The following STON2 variants were observed in gnomAD, a reference collection of about 807,000 sequenced individuals.
The protein encoded by STON2 is stonin 2.
In STON2, 29 loss-of-function variants were observed where a neutral mutation model predicts 65.7. The observed-to-expected ratio is 0.44, with a 90% CI of 0.33 to 0.60. STON2 has a LOEUF of 0.60. STON2 is among the 20% of genes least tolerant of loss of function. STON2 has a pLI of 0.03. For missense variants in STON2, 1,054 were observed against 1,118.1 expected (o/e 0.94, Z 0.82); for synonymous variants, 404 against 414.2 (o/e 0.98, Z 0.30).
intron 5 of STON2, among the ~76,000 whole-genome samples, chr14:81,298,207 G>A (rs557827797): frequency 3.3e-5 from 5 of 152,194 alleles, no homozygotes; most frequent in East Asian, 3.9e-4. Flanking sequence ...TTCTAGATGC[G>A]GGTGCCCTTC....
Position 81,308,558 on chromosome 14 carries a change from A to G in STON2, c.742+15459T>C, listed in dbSNP as rs561202312. Among the ~76,000 whole-genome samples the G allele has an allele frequency of 6.6e-5, 10 of 152,022 alleles. No homozygotes were observed. The East Asian group carries it at 1.9e-3, about 30-fold the overall frequency. Reference sequence around the variant, plus strand: ...AGACAAAACCTAACCCCAGAATTCTACATGCTGAAGGTGGGGCATTTATTC... The same window carrying G: ...AGACAAAACCTAACCCCAGAATTCTGCATGCTGAAGGTGGGGCATTTATTC... On this transcript the variant is annotated intron_variant, in intron 5 of 7. Coordinates refer to ENST00000614646, the MANE Select transcript of STON2 (RefSeq NM_001394390.1).
chr14:81,412,866 G>A, intron 2 of STON2: 1 of 529,910 alleles, frequency 1.9e-6, no homozygotes, highest in Non-Finnish European at 3.2e-6. Context: ...TTTCTTCTTA[G>A]AGGCGCCACG....
chr14:81,435,948 C>G (rs1463468533), intron 1 of STON2: 1 of 152,214 alleles, frequency 6.6e-6, no homozygotes, highest in Non-Finnish European at 1.5e-5. Context: ...GAAGCACCGT[C>G]CCCAGGGACA....
At chr14:81,373,303 T>C (rs1330783820) in intron 3 of STON2, among the ~76,000 whole-genome samples, 1 of 152,140 alleles carries the variant, frequency 6.6e-6, no homozygotes, top group East Asian at 1.9e-4. Flanking sequence ...GACTGGTATC[T>C]ATAACCCCCA....
Position 81,265,140 on chromosome 14 carries a change from T to A in STON2, c.*3274A>T. 1 of 985,174 alleles carries A rather than the reference T, an allele frequency of 1.0e-6. No individual in the cohort carries two copies. Among genetic ancestry groups the A allele is most frequent in the Non-Finnish European group, 1.2e-6 (1 of 829,878 alleles). 61.0% of individuals were successfully genotyped at this position (985,174 alleles called of 1,614,324 possible). On this transcript the variant is annotated 3_prime_UTR_variant, in exon 8 of 8. Coordinates refer to ENST00000614646, the MANE Select transcript of STON2 (RefSeq NM_001394390.1). ...AAAGTAGAATCTGCATATCCACAGGTAATTTGCCCAACTGTTTTCTATGTA... is the reference window on the plus strand; with the variant it reads ...AAAGTAGAATCTGCATATCCACAGGAAATTTGCCCAACTGTTTTCTATGTA...
chr14:81,268,514 T>G lies in STON2; in HGVS notation c.2785-17A>C. ...AATTTCCACCTGCCAAGAATAGAAG[T>G]TGGAGATAAAGATCAAAAAGAAGAG... On this transcript the variant is annotated splice_polypyrimidine_tract_variant and intron_variant, in intron 7 of 7. Coordinates refer to ENST00000614646, the MANE Select transcript of STON2 (RefSeq NM_001394390.1). 7.8e-7 allele frequency: 1 copy of G among 1,289,396 alleles called. No individual in the cohort carries two copies. Among genetic ancestry groups the G allele is most frequent in the Non-Finnish European group, 1.0e-6 (1 of 988,676 alleles). 79.9% of individuals were successfully genotyped at this position (1,289,396 alleles called of 1,614,324 possible). A position where few individuals can be genotyped will look rare whatever the true frequency, so the allele number is the denominator to read the frequency against.
At chr14:81,280,648 T>C (rs1301162746) in intron 5 of STON2, among the ~76,000 whole-genome samples, 1 of 152,204 alleles carries the variant, frequency 6.6e-6, no homozygotes, top group African/African-American at 2.4e-5. Flanking sequence ...GATGCTGGCT[T>C]GTCACCCATC....
intron 4 of STON2, among the ~76,000 whole-genome samples, chr14:81,342,791 A>C (rs1211374014): frequency 6.6e-6 from 1 of 152,206 alleles, no homozygotes; most frequent in Non-Finnish European, 1.5e-5. Flanking sequence ...GGACAAGTGA[A>C]GCCAGAGAGC....
At chr14:81,363,530 A>T (rs1249543288) in intron 4 of STON2, among the ~76,000 whole-genome samples, 1 of 152,160 alleles carries the variant, frequency 6.6e-6, no homozygotes, top group African/African-American at 2.4e-5. Context: ...ATAAGGATTA[A>T]AATCTAAAAT....
chr14:81,273,562 G>T (rs1894681879), intron 6 of STON2, among the ~76,000 whole-genome samples: 1 of 152,192 alleles, frequency 6.6e-6, no homozygotes, highest in Admixed American at 6.5e-5. Context: ...CTCTTGGGAT[G>T]AAGGTAGGAG....
chr14:81,393,686 A>G (rs80203356), intron 3 of STON2, among the ~76,000 whole-genome samples: 6,466 of 152,310 alleles, frequency 0.042, 489 homozygotes, highest in African/African-American at 0.15. Flanking sequence ...CTGAGACAAT[A>G]AGTATGCAGT....
chr14:81,316,519 G>A (rs1250890101), intron 5 of STON2, among the ~76,000 whole-genome samples: 1 of 152,114 alleles, frequency 6.6e-6, no homozygotes, highest in African/African-American at 2.4e-5. Flanking sequence ...CTTGTTTTGG[G>A]AAACAAGGTA....
Position 81,261,194 on chromosome 14 carries a change from G to C in STON2, c.*7220C>G, listed in dbSNP as rs777622744. On this transcript the variant is annotated 3_prime_UTR_variant, in exon 8 of 8. Coordinates refer to ENST00000614646, the MANE Select transcript of STON2 (RefSeq NM_001394390.1). Reference sequence around the variant, plus strand: ...GCTGTTGGGACCTGACTATACATCTGCTTTCCCACAATGCTCTGGTAGAAT... The same window carrying C: ...GCTGTTGGGACCTGACTATACATCTCCTTTCCCACAATGCTCTGGTAGAAT... The C allele has an allele frequency of 8.5e-5, 13 of 152,190 alleles. No individual in the cohort carries two copies. Among genetic ancestry groups the C allele is most frequent in the African/African-American group, 3.1e-4 (13 of 41,426 alleles). The allele number at this position is 152,190 out of a possible 1,614,324, so 9.4% of individuals were successfully genotyped here.
chr14:81,430,020 T>C (rs1902162956), intron 1 of STON2, among the ~76,000 whole-genome samples: 1 of 152,122 alleles, frequency 6.6e-6, no homozygotes, highest in Admixed American at 6.5e-5. Context: ...AGTAGTCCAG[T>C]GAATGGACCT....
rs979294948 is a variant in STON2 at position 81,263,176 on chromosome 14, T to C, written c.*5238A>G. ...ATTCTGGACATGACCTAAGGCTAGC[T>C]TGTCCAACCCTTGGCCCATGATGGT... On this transcript the variant is annotated 3_prime_UTR_variant, in exon 8 of 8. Coordinates refer to ENST00000614646, the MANE Select transcript of STON2 (RefSeq NM_001394390.1). The C allele has an allele frequency of 2.0e-6, 2 of 985,112 alleles. No homozygotes were observed. Among genetic ancestry groups the C allele is most frequent in the African/African-American group, 1.7e-5 (1 of 57,250 alleles). 61.0% of individuals were successfully genotyped at this position (985,112 alleles called of 1,614,324 possible). A position where few individuals can be genotyped will look rare whatever the true frequency, so the allele number is the denominator to read the frequency against.
intron 5 of STON2, among the ~76,000 whole-genome samples, chr14:81,282,527 A>G (rs1271381055): frequency 6.6e-6 from 1 of 152,190 alleles, no homozygotes; most frequent in Non-Finnish European, 1.5e-5. Flanking sequence ...TACTACTACT[A>G]CTAGAATGAT....
intron 4 of STON2, among the ~76,000 whole-genome samples, chr14:81,334,422 A>G (rs1897303427): frequency 6.6e-6 from 1 of 152,218 alleles, no homozygotes; most frequent in African/African-American, 2.4e-5. Context: ...TTCATCATCC[A>G]GCCTTGAATC....
chr14:81,298,463 C>A (rs889225407), intron 5 of STON2, among the ~76,000 whole-genome samples: 4 of 151,894 alleles, frequency 2.6e-5, no homozygotes. Flanking sequence ...TAAGAATTAC[C>A]CCTGAGCAAA....
At chr14:81,351,498 G>C (rs564508834) in intron 4 of STON2, among the ~76,000 whole-genome samples, 1 of 152,216 alleles carries the variant, frequency 6.6e-6, no homozygotes, top group Non-Finnish European at 1.5e-5. Flanking sequence ...ACCATACTTG[G>C]CACAAAGTAA....
Sources: allele counts gnomAD v4.1 joint callset (sites outside exome capture counted in the v4.1 genomes callset), GRCh38; gene constraint gnomAD v4.1.1; transcripts MANE v1.5; gene names NCBI Gene and HGNC (gene_info 2026-07-23, HGNC 2026-07-21).